The following SLC26A5 variants were observed in gnomAD, a reference collection of about 807,000 sequenced individuals.
SLC26A5 encodes prestin.
A neutral mutation model predicts 81.0 loss-of-function variants in SLC26A5; 51 were observed. The observed-to-expected ratio is 0.63, with a 90% CI of 0.50 to 0.80. The LOEUF is 0.80. SLC26A5 is among the 30% of genes least tolerant of loss of function. SLC26A5 has a pLI of 0.00. For missense variants in SLC26A5, 771 were observed against 905.8 expected (o/e 0.85, Z 1.91); for synonymous variants, 325 against 332.8 (o/e 0.98, Z 0.25).
intron 19 of SLC26A5, among the ~76,000 whole-genome samples, chr7:103,353,334 T>A (rs1186372684): frequency 6.6e-6 from 1 of 152,018 alleles, no homozygotes; most frequent in Non-Finnish European, 1.5e-5. Context: ...TGAGATGGAG[T>A]CTCTCTCGGT....
chr7:103,379,432 T>G (rs1821611760), intron 15 of SLC26A5, 97 bp from the exon 16 acceptor site: 1 of 785,708 alleles, frequency 1.3e-6, no homozygotes, highest in East Asian at 2.7e-5. Context: ...AATGCAGAAG[T>G]TGCTAAGGTC....
intron 19 of SLC26A5, among the ~76,000 whole-genome samples, chr7:103,375,349 T>C (rs951584825): frequency 6.6e-6 from 1 of 152,058 alleles, no homozygotes; most frequent in Admixed American, 6.5e-5. Context: ...ATTTTGAACA[T>C]ATGCAGCATA....
chr7:103,374,686 TTGTTA>T, intron 19 of SLC26A5, 94 bp from the exon 20 acceptor site: 44 of 1,249,722 alleles, frequency 3.5e-5, no homozygotes, highest in South Asian at 4.2e-5. Context: ...GTTTTTTTTT[TTGTTA>T]TTGTTTTTTG....
At chr7:103,387,684 T>C (rs1822303474) in intron 14 of SLC26A5, among the ~76,000 whole-genome samples, 1 of 152,198 alleles carries the variant, frequency 6.6e-6, no homozygotes, top group Admixed American at 6.5e-5. Flanking sequence ...TTTATTTTAT[T>C]TTAAAAAATT....
intron 8 of SLC26A5, among the ~76,000 whole-genome samples, chr7:103,399,141 T>C (rs1295836215): frequency 1.3e-5 from 2 of 152,178 alleles, no homozygotes; most frequent in East Asian, 3.8e-4. Context: ...AAGGGAGTCA[T>C]AAAGATGCTG....
At chr7:103,416,372 C>A (rs1824908981) in intron 4 of SLC26A5, among the ~76,000 whole-genome samples, 1 of 152,204 alleles carries the variant, frequency 6.6e-6, no homozygotes, top group South Asian at 2.1e-4. Flanking sequence ...CTGCTTTGGG[C>A]TATAAGTTTT....
chr7:103,412,902 T>C, intron 5 of SLC26A5, 100 bp downstream of exon 5: 1 of 913,804 alleles, frequency 1.1e-6, no homozygotes, highest in South Asian at 1.4e-5. Context: ...AAAGTTGTTA[T>C]TAAGACAATT....
chr7:103,436,286 T>G (rs962177611), intron 2 of SLC26A5, among the ~76,000 whole-genome samples: 11 of 152,118 alleles, frequency 7.2e-5, no homozygotes, highest in African/African-American at 2.7e-4. Flanking sequence ...AAGCGCAAGT[T>G]AGGTCCAGAG....
chr7:103,400,814 A>T (rs1256086092), intron 8 of SLC26A5, among the ~76,000 whole-genome samples: 4 of 152,218 alleles, frequency 2.6e-5, no homozygotes, highest in African/African-American at 4.8e-5. Flanking sequence ...TTTATTAAAT[A>T]GGGAATCCTT....
At chr7:103,435,637 C>A (rs929661854) in intron 2 of SLC26A5, among the ~76,000 whole-genome samples, 9 of 152,140 alleles carry the variant, frequency 5.9e-5, no homozygotes, top group African/African-American at 2.2e-4. Context: ...CTAGAGAAGC[C>A]CTACTTCACT....
At chr7:103,391,204 G>A (rs1399413981) in intron 11 of SLC26A5, among the ~76,000 whole-genome samples, 3 of 152,158 alleles carry the variant, frequency 2.0e-5, no homozygotes, top group South Asian at 2.1e-4. Context: ...GGTCTTGGTC[G>A]AACTAACCAC....
At chr7:103,440,212 G>A (rs575553584) in intron 2 of SLC26A5, among the ~76,000 whole-genome samples, 38 of 152,270 alleles carry the variant, frequency 2.5e-4, no homozygotes, top group Middle Eastern at 3.4e-3. Flanking sequence ...AGAAAGGAAG[G>A]AAATAATAAA....
intron 14 of SLC26A5, among the ~76,000 whole-genome samples, chr7:103,382,870 A>G (rs1280761037): frequency 1.3e-5 from 2 of 152,244 alleles, no homozygotes; most frequent in Non-Finnish European, 2.9e-5. Flanking sequence ...TCAATGTCAG[A>G]CAGCTTGCCA....
chr7:103,366,712 T>A (rs1820737033), intron 19 of SLC26A5, among the ~76,000 whole-genome samples: 3 of 152,238 alleles, frequency 2.0e-5, no homozygotes, highest in Admixed American at 2.0e-4. Flanking sequence ...TGGGGCATAA[T>A]TTAATTGATG....
chr7:103,367,397 C>A lies in SLC26A5; in HGVS notation c.2041+9411G>T. The A allele has an allele frequency of 6.2e-7, 1 of 1,612,434 alleles. No individual in the cohort carries two copies. The highest frequency in any genetic ancestry group is 8.5e-7 in the Non-Finnish European group (1 of 1,179,552). On this transcript the variant is annotated intron_variant, in intron 19 of 19. Coordinates refer to the SLC26A5 transcript ENST00000339444. This position sits in a 1 kb window ranked among gnomAD's most constrained non-coding sequence, Gnocchi z 6.1. The stretch of plus-strand genomic sequence containing the variant: ...GAGTGGACTTGAAGAGCTTATCTTT[C>A]CTTTTGTCTTCTCAGGGGCTCGTTT...
chr7:103,408,148 G>C, intron 7 of SLC26A5, 145 bp from the exon 8 acceptor site: 1 of 1,071,964 alleles, frequency 9.3e-7, no homozygotes, highest in Non-Finnish European at 1.4e-6. Flanking sequence ...TCTCTTTGTA[G>C]CTTCTACCAA....
chr7:103,420,941 C>T, intron 3 of SLC26A5, 64 bp from the exon 4 acceptor site: 1 of 1,530,976 alleles, frequency 6.5e-7, no homozygotes, highest in South Asian at 1.1e-5. Flanking sequence ...AGAATTCAAA[C>T]CAAAGCATTT....
intron 18 of SLC26A5, among the ~76,000 whole-genome samples, chr7:103,377,087 TCTTA>T (rs1050548588): frequency 6.6e-6 from 1 of 152,204 alleles, no homozygotes; most frequent in Non-Finnish European, 1.5e-5. Context: ...TACTGTTAAA[TCTTA>T]CTTAAGTACA....
intron 14 of SLC26A5, among the ~76,000 whole-genome samples, chr7:103,384,103 C>A (rs1822002366): frequency 6.6e-6 from 1 of 151,956 alleles, no homozygotes; most frequent in Non-Finnish European, 1.5e-5. Flanking sequence ...TGCACTGCAG[C>A]CCATGTGGCA....
Sources: gnomAD v4.1 joint callset for allele counts (sites outside exome capture counted in the v4.1 genomes callset) on GRCh38, gnomAD v4.1.1 for gene constraint, Gnocchi (gnomAD v3.1) non-coding constraint, MANE v1.5 for transcripts, NCBI Gene and HGNC (gene_info 2026-07-23, HGNC 2026-07-21) for gene names.